The following RIPOR3 variants were observed in gnomAD, a reference collection of about 807,000 sequenced individuals.
The protein encoded by RIPOR3 is family with sequence similarity 65 member C.
A neutral mutation model predicts 114.3 loss-of-function variants in RIPOR3; 95 were observed. The ratio of observed to expected loss-of-function variants is 0.83; its 90% CI spans 0.70 to 0.99. The LOEUF (loss-of-function observed/expected upper bound fraction) is 0.99, where lower values mean the gene tolerates loss of function less well. Among genes scored for constraint, RIPOR3 ranks in the 50% least tolerant of loss-of-function variants. The pLI, the probability that RIPOR3 is intolerant of heterozygous loss-of-function variation, is 0.00. For synonymous variants in RIPOR3, 575 were observed against 543.8 expected, an observed-to-expected ratio of 1.06 and a Z score of -0.80; for missense variants, 1,252 against 1,266.9, an observed-to-expected ratio of 0.99 and a Z score of 0.18.
At chr20:50,639,608 C>T (rs1390160831) in intron 1 of RIPOR3, among the ~76,000 whole-genome samples, 3 of 152,234 alleles carry the variant, frequency 2.0e-5, no homozygotes, top group Non-Finnish European at 4.4e-5. Flanking sequence ...TGGCACTCAC[C>T]TGTAGTCCCA....
Position 50,609,368 on chromosome 20 carries a change from C to T in RIPOR3, c.577-12G>A, listed in dbSNP as rs771593418. ...ATGAGCCACATGTCCTGCAAAGCCC[C>T]GGAGGTGGCTCAGCTGGCTGCCTGG... On this transcript the variant is annotated splice_polypyrimidine_tract_variant and intron_variant, in intron 7 of 21. Transcript: ENST00000327979. 6.4e-5 allele frequency: 103 copies of T among 1,612,396 alleles called. 1 individual carries two copies. The South Asian group carries it at 8.4e-4, about 13-fold the overall frequency.
chr20:50,621,045 G>A (rs6096031), intron 2 of RIPOR3: 8,828 of 473,320 alleles, frequency 0.019, 631 homozygotes, highest in African/African-American at 0.16. Context: ...TGTCCTGGCC[G>A]CCATGAGGAA....
chr20:50,670,079 C>T lies in RIPOR3; in HGVS notation c.3+21047G>A, dbSNP rs565752175. Among the ~76,000 whole-genome samples, 43 of 151,282 alleles carry T rather than the reference C, an allele frequency of 2.8e-4. No homozygotes were observed. The South Asian group carries it at 9.0e-3, about 32-fold the overall frequency. On this transcript the variant is annotated intron_variant, in intron 1 of 21. Coordinates refer to ENST00000327979, the MANE Select transcript of RIPOR3 (RefSeq NM_001290268.2). ...GGCCGAAGCAAGAGAATCACTTGAA[C>T]CCGGGAGGCGGAGGTTGCAGTGAGC...
At chr20:50,674,907 A>G (rs952626551) in intron 1 of RIPOR3, among the ~76,000 whole-genome samples, 10 of 151,952 alleles carry the variant, frequency 6.6e-5, no homozygotes, top group Admixed American at 3.9e-4. Context: ...ACATAGCAAG[A>G]CCCCATCTCT....
intron 1 of RIPOR3, among the ~76,000 whole-genome samples, chr20:50,639,040 G>A (rs1362192181): frequency 4.6e-5 from 7 of 152,224 alleles, no homozygotes; most frequent in South Asian, 2.1e-4. Flanking sequence ...TCAGGAGTTT[G>A]AAACCAGCCT....
chr20:50,630,709 C>T, intron 2 of RIPOR3, 29 bp downstream of exon 2: 2 of 1,563,520 alleles, frequency 1.3e-6, no homozygotes, highest in Non-Finnish European at 1.7e-6. Flanking sequence ...CACCCCTGCA[C>T]CCCGAAACAG....
chr20:50,651,530 C>T lies in RIPOR3; in HGVS notation c.4-20674G>A, dbSNP rs1215035164. On this transcript the variant is annotated intron_variant, in intron 1 of 21. Coordinates refer to ENST00000327979, the MANE Select transcript of RIPOR3 (RefSeq NM_001290268.2). ...ATGGAAGGCCCCTACTCAATCTACC[C>T]TCCCACTATAGTCTGGTGGTTAGAG... Among the ~76,000 whole-genome samples, 4 of 152,190 alleles carry T rather than the reference C, an allele frequency of 2.6e-5. No individual in the cohort carries two copies. In the South Asian group the frequency reaches 6.2e-4, roughly 24 times the overall value.
chr20:50,593,714 A>G (rs1374628062), intron 17 of RIPOR3, among the ~76,000 whole-genome samples: 1 of 152,116 alleles, frequency 6.6e-6, no homozygotes, highest in Non-Finnish European at 1.5e-5. Context: ...GTTCATCCCC[A>G]TGCCCTGGGC....
chr20:50,597,882 G>T (rs1384050590), intron 13 of RIPOR3, among the ~76,000 whole-genome samples, 172 bp from the exon 14 acceptor site: 1 of 152,198 alleles, frequency 6.6e-6, no homozygotes, highest in African/African-American at 2.4e-5. Context: ...GGCACTGGGC[G>T]TGTCACCCCC....
intron 5 of RIPOR3, 30 bp downstream of exon 5, chr20:50,611,151 G>A (rs372622466): frequency 1.9e-6 from 3 of 1,614,168 alleles, no homozygotes; most frequent in Non-Finnish European, 1.7e-6. Context: ...GCCAGGCCCA[G>A]CCCACCTCAC....
At chr20:50,617,834 C>T (rs531755618) in intron 3 of RIPOR3, among the ~76,000 whole-genome samples, 31 of 151,758 alleles carry the variant, frequency 2.0e-4, no homozygotes, top group African/African-American at 6.5e-4. Context: ...ATGTTGGCCA[C>T]GCTGGTCTCA....
At chr20:50,679,146 A>G (rs1482345689) in intron 1 of RIPOR3, among the ~76,000 whole-genome samples, 1 of 118,750 alleles carries the variant, frequency 8.4e-6, no homozygotes, top group Admixed American at 9.3e-5. Context: ...ATATATATAT[A>G]TATACACACA....
chr20:50,663,925 CTTT>C (rs11477745), intron 1 of RIPOR3, among the ~76,000 whole-genome samples: 179 of 123,902 alleles, frequency 1.4e-3, no homozygotes, highest in Non-Finnish European at 2.0e-3. Flanking sequence ...CTCTCTCTCT[CTTT>C]TTTTTTTTTT....
chr20:50,640,018 C>CTGGG, intron 1 of RIPOR3, among the ~76,000 whole-genome samples: 1 of 149,670 alleles, frequency 6.7e-6, no homozygotes, highest in Admixed American at 6.7e-5. Flanking sequence ...GGTTCATTAA[C>CTGGG]CCGTATGGTG....
At chr20:50,648,465 C>A (rs1029814901) in intron 1 of RIPOR3, among the ~76,000 whole-genome samples, 13 of 139,386 alleles carry the variant, frequency 9.3e-5, no homozygotes, top group African/African-American at 3.4e-4. Context: ...GGTCCCCAAC[C>A]TTTTTGGCAC....
At chr20:50,621,219 A>C (rs776669513) in intron 2 of RIPOR3, 2 of 323,504 alleles carry the variant, frequency 6.2e-6, no homozygotes, top group African/African-American at 2.2e-5. Flanking sequence ...CTCTCTGATC[A>C]CCATGCTCTG....
chr20:50,623,951 C>T (rs2084521845), intron 2 of RIPOR3, among the ~76,000 whole-genome samples: 1 of 152,232 alleles, frequency 6.6e-6, no homozygotes, highest in African/African-American at 2.4e-5. Context: ...ATTCTCCTGC[C>T]TCAGCCTACC....
Position 50,592,934 on chromosome 20 carries a change from G to A in RIPOR3, c.2374+101C>T, listed in dbSNP as rs962855317. 13 of 1,413,084 alleles carry A rather than the reference G, an allele frequency of 9.2e-6. No homozygotes were observed. In the African/African-American group the frequency reaches 1.3e-4, roughly 14 times the overall value. 87.5% of individuals were successfully genotyped at this position (1,413,084 alleles called of 1,614,324 possible). A position where few individuals can be genotyped will look rare whatever the true frequency, so the allele number is the denominator to read the frequency against. ...CGGGGTTCCCAAAAGAACAGTTGGC[G>A]GGGATGGATGTAGTGGTTCTGAATT... On this transcript the variant is annotated intron_variant, in intron 18 of 21. Transcript: ENST00000327979.
chr20:50,602,047 A>G lies in RIPOR3; in HGVS notation c.1659+25T>C, dbSNP rs1601477218. 2.7e-6 allele frequency: 4 copies of G among 1,463,558 alleles called. No individual in the cohort carries two copies. The highest frequency in any genetic ancestry group is 2.7e-5 in the Admixed American group (1 of 37,654). 90.7% of individuals were successfully genotyped at this position (1,463,558 alleles called of 1,614,324 possible). A position where few individuals can be genotyped will look rare whatever the true frequency, so the allele number is the denominator to read the frequency against. On this transcript the variant is annotated intron_variant, in intron 13 of 21. Coordinates refer to ENST00000327979, the MANE Select transcript of RIPOR3 (RefSeq NM_001290268.2). This position sits in a 1 kb window ranked among gnomAD's most constrained non-coding sequence, Gnocchi z 4.3. Reference sequence around the variant, plus strand: ...ATCATGCCATCAGCAAAGCAGGGCCACCGCCCGGGGCGGGGTGGCCATACC... The same window carrying G: ...ATCATGCCATCAGCAAAGCAGGGCCGCCGCCCGGGGCGGGGTGGCCATACC...
Sources: gnomAD v4.1 joint callset for allele counts (sites outside exome capture counted in the v4.1 genomes callset) on GRCh38, gnomAD v4.1.1 for gene constraint, Gnocchi (gnomAD v3.1) non-coding constraint, MANE v1.5 for transcripts, NCBI Gene and HGNC (gene_info 2026-07-23, HGNC 2026-07-21) for gene names.